CDH6: variants seen among roughly 807,000 people sequenced by gnomAD.
CDH6 encodes the protein cadherin 6.
A neutral mutation model predicts 78.0 loss-of-function variants in CDH6; 31 were observed. That is an observed-to-expected ratio of 0.40 (90% CI 0.30 to 0.54). The LOEUF (loss-of-function observed/expected upper bound fraction) is 0.54, where lower values mean the gene tolerates loss of function less well. CDH6 is among the 20% of genes least tolerant of loss of function. The probability of loss-of-function intolerance (pLI) is 0.56; values close to 1 mark genes in which losing one functional copy is unlikely to be tolerated. For missense variants in CDH6, 724 were observed against 975.9 expected (o/e 0.74, Z 3.44); for synonymous variants, 376 against 368.8 (o/e 1.02, Z -0.23).
Position 31,272,966 on chromosome 5 carries a change from T to G in CDH6, c.228+5265T>G, listed in dbSNP as rs77001202. Among the ~76,000 whole-genome samples, 467 of 152,304 alleles carry G rather than the reference T, an allele frequency of 3.1e-3. 10 individuals are homozygous for G. In the South Asian group the frequency reaches 0.046, roughly 15 times the overall value. On this transcript the variant is annotated intron_variant, in intron 2 of 11. Transcript: ENST00000265071. ...TATTTGAGGCCTTAATGTACAGGCT[T>G]TCCCAATATGCCTTTATCCTCAGTC... is the stretch of plus-strand genomic sequence containing the variant.
intron 9 of CDH6, among the ~76,000 whole-genome samples, chr5:31,316,924 G>A (rs1162735134): frequency 2.6e-5 from 4 of 152,200 alleles, no homozygotes; most frequent in Non-Finnish European, 5.9e-5. Context: ...TGCTAAGAGT[G>A]CATTTCTAGA....
At chr5:31,276,387 T>C (rs966077697) in intron 2 of CDH6, among the ~76,000 whole-genome samples, 1 of 152,190 alleles carries the variant, frequency 6.6e-6, no homozygotes, top group East Asian at 1.9e-4. Context: ...TCCAGTTTTT[T>C]ATTCACAGAG....
At chr5:31,289,976 A>T (rs1170245111) in intron 2 of CDH6, among the ~76,000 whole-genome samples, 1 of 151,980 alleles carries the variant, frequency 6.6e-6, no homozygotes, top group Non-Finnish European at 1.5e-5. Context: ...AAAAAAAAAA[A>T]TGGGCACAGT....
chr5:31,291,560 T>G (rs1337136016), intron 2 of CDH6, among the ~76,000 whole-genome samples: 1 of 152,014 alleles, frequency 6.6e-6, no homozygotes, highest in Non-Finnish European at 1.5e-5. Flanking sequence ...GTTCTTACAC[T>G]TGCTGAGTGA....
chr5:31,306,144 T>C (rs1737984837), intron 7 of CDH6, among the ~76,000 whole-genome samples: 1 of 152,182 alleles, frequency 6.6e-6, no homozygotes, highest in African/African-American at 2.4e-5. Flanking sequence ...GTTTTTCAAG[T>C]GTAGAAAAAC....
At chr5:31,214,111 GA>G (rs1225823458) in intron 1 of CDH6, among the ~76,000 whole-genome samples, 1 of 134,950 alleles carries the variant, frequency 7.4e-6, no homozygotes, top group Non-Finnish European at 1.6e-5. Flanking sequence ...TTGATGACCA[GA>G]AAGGTGCACG....
intron 2 of CDH6, among the ~76,000 whole-genome samples, chr5:31,281,176 T>C (rs1037081045): frequency 6.6e-6 from 1 of 152,192 alleles, no homozygotes; most frequent in Non-Finnish European, 1.5e-5. Context: ...GAACATGTTT[T>C]AGAAAAAGTC....
chr5:31,206,577 C>A (rs997129987), intron 1 of CDH6, among the ~76,000 whole-genome samples: 7 of 152,162 alleles, frequency 4.6e-5, no homozygotes, highest in African/African-American at 1.7e-4. Flanking sequence ...TTACTTTATT[C>A]ATTCTGTAAT....
At chr5:31,309,770 A>T (rs1370737374) in intron 7 of CDH6, among the ~76,000 whole-genome samples, 3 of 152,204 alleles carry the variant, frequency 2.0e-5, no homozygotes, top group Admixed American at 2.0e-4. Flanking sequence ...TCATAGCAGA[A>T]GGAGAAGAGG....
chr5:31,246,864 C>T (rs1741763144), intron 1 of CDH6, among the ~76,000 whole-genome samples: 1 of 152,154 alleles, frequency 6.6e-6, no homozygotes, highest in Non-Finnish European at 1.5e-5. Context: ...AAGCAATTCT[C>T]CTGCCTCAGC....
At chr5:31,256,552 C>T (rs1056937579) in intron 1 of CDH6, among the ~76,000 whole-genome samples, 1 of 152,168 alleles carries the variant, frequency 6.6e-6, no homozygotes, top group Non-Finnish European at 1.5e-5. Context: ...TTACACTAAG[C>T]CATCTTTCCA....
chr5:31,220,654 T>C (rs1740980434), intron 1 of CDH6, among the ~76,000 whole-genome samples: 1 of 152,150 alleles, frequency 6.6e-6, no homozygotes, highest in South Asian at 2.1e-4. Flanking sequence ...AAAACTATAA[T>C]GCGTGCTATG....
chr5:31,284,123 T>G lies in CDH6; in HGVS notation c.229-9839T>G, dbSNP rs569722431. The stretch of plus-strand genomic sequence containing the variant: ...AGCCACCGTGCCCAGCCCTATTTTC[T>G]AGATCCTTTTCAAGCCCATTTTGTA... On this transcript the variant is annotated intron_variant, in intron 2 of 11. Transcript: ENST00000265071. Among the ~76,000 whole-genome samples, 23 of 152,294 alleles carry G rather than the reference T, an allele frequency of 1.5e-4. 1 individual carries two copies. The highest frequency in any genetic ancestry group is 5.3e-4 in the African/African-American group (22 of 41,556).
At chr5:31,199,538 A>G (rs1186843174) in intron 1 of CDH6, among the ~76,000 whole-genome samples, 1 of 146,766 alleles carries the variant, frequency 6.8e-6, no homozygotes. Context: ...GTGTATATAT[A>G]TGTATACACA....
chr5:31,318,010 C>A, intron 11 of CDH6, 86 bp downstream of exon 11: 1 of 1,463,020 alleles, frequency 6.8e-7, no homozygotes, highest in Non-Finnish European at 9.5e-7. Context: ...CTGCCTCCCC[C>A]ATTAAGGCAT....
intron 1 of CDH6, among the ~76,000 whole-genome samples, chr5:31,202,052 C>T (rs1215267785): frequency 1.3e-5 from 2 of 152,114 alleles, no homozygotes; most frequent in African/African-American, 4.8e-5. Context: ...TTATATCTAA[C>T]TCTATAAGCC....
intron 1 of CDH6, chr5:31,251,879 T>C (rs1741918720): frequency 1.3e-5 from 2 of 152,256 alleles, no homozygotes; most frequent in African/African-American, 4.8e-5. Flanking sequence ...ATTATTTTTA[T>C]GTTCATATTC....
rs778966287 is a variant in CDH6 at position 31,294,157 on chromosome 5, G to A, written c.424G>A (p.Glu142Lys). 5.0e-6 allele frequency: 8 copies of A among 1,613,806 alleles called. No individual in the cohort carries two copies. The highest frequency in any genetic ancestry group is 3.3e-5 in the South Asian group (3 of 91,068). ...NRRTGRPVEPESEFIIKIHDI... is the reference protein window; with the variant it reads ...NRRTGRPVEPKSEFIIKIHDI... ...AAGGACAGGGAGACCCGTGGAGCCC[G>A]AGTCTGAATTCATCATCAAGATCCA... The change falls in exon 3 of 12, where the codon GAG becomes AAG. Residue 142 changes from glutamate (E) to lysine (K), a missense_variant. Physicochemically the swap from Glu to Lys is moderately conservative, Grantham distance 56 (BLOSUM62 1). Coordinates refer to ENST00000265071, the MANE Select transcript of CDH6 (RefSeq NM_004932.4). This position sits in a 1 kb window ranked among gnomAD's most constrained non-coding sequence, Gnocchi z 4.1.
At chr5:31,249,748 A>C (rs1741858532) in intron 1 of CDH6, 1 of 152,262 alleles carries the variant, frequency 6.6e-6, no homozygotes, top group Non-Finnish European at 1.5e-5. Context: ...GTATTTAAGA[A>C]ATGGGCAGGC....
Sources: gnomAD v4.1 joint callset for allele counts (sites outside exome capture counted in the v4.1 genomes callset) on GRCh38, gnomAD v4.1.1 for gene constraint, Gnocchi (gnomAD v3.1) non-coding constraint, MANE v1.5 for transcripts, NCBI Gene and HGNC (gene_info 2026-07-23, HGNC 2026-07-21) for gene names.